The following ZNFX1 variants were observed in gnomAD, a reference collection of about 807,000 sequenced individuals.
The protein encoded by ZNFX1 is zinc finger NFX1-type containing 1, also known as NFX1-type zinc finger-containing protein 1.
A neutral mutation model predicts 179.8 loss-of-function variants in ZNFX1; 78 were observed. The observed-to-expected ratio is 0.43, with a 90% CI of 0.36 to 0.52. ZNFX1 has a LOEUF of 0.52. Ranked by LOEUF, ZNFX1 falls within the 20% of genes least tolerant of loss-of-function variation. The pLI is 0.00. For synonymous variants in ZNFX1, 848 were observed against 868.5 expected (o/e 0.98, Z 0.42); for missense variants, 1,927 against 2,386.6 (o/e 0.81, Z 4.01).
chr20:49,268,964 T>C (rs1981312373), intron 3 of ZNFX1, among the ~76,000 whole-genome samples: 1 of 152,206 alleles, frequency 6.6e-6, no homozygotes, highest in African/African-American at 2.4e-5. Context: ...TCAAACAGCT[T>C]AAAACAGAAA....
At chr20:49,254,326 G>A (rs7261580) in intron 10 of ZNFX1, among the ~76,000 whole-genome samples, 169 bp downstream of exon 10, 2,335 of 152,230 alleles carry the variant, frequency 0.015, 61 homozygotes, top group South Asian at 0.071. Context: ...TGCGCCTGGC[G>A]AAAGTGAGTG....
At position 49,249,148 on chromosome 20, in the gene ZNFX1, G is replaced by A. The variant is rs750318739; in HGVS notation, c.3876C>T (p.Cys1292=). 10 of 1,614,092 alleles carry A rather than the reference G, an allele frequency of 6.2e-6. No individual in the cohort carries two copies. Among genetic ancestry groups the A allele is most frequent in the Admixed American group, 1.7e-5 (1 of 60,006 alleles). The change falls in exon 14 of 14, where the codon TGC becomes TGT. Residue 1292 remains cysteine, a synonymous_variant. Coordinates refer to ENST00000396105, the MANE Select transcript of ZNFX1 (RefSeq NM_021035.3). ...CATGCCCACAGCCCAGGCGGAACTC[G>A]CAGGGCAGGCTGCAGCCTCCTTCGG... ...KVPEGGCSLP[C]EFRLGCGHVC...
At chr20:49,254,739 AACCTT>A in intron 9 of ZNFX1, 90 bp from the exon 10 acceptor site, 1 of 1,309,906 alleles carries the variant, frequency 7.6e-7, no homozygotes, top group South Asian at 1.3e-5. Flanking sequence ...GTATGAAGTG[AACCTT>A]GGACCCTTGG....
In ZNFX1 at chr20:49,264,666, T is replaced by C. The variant is rs755305238; in HGVS notation, c.2151+50A>G. The C allele has an allele frequency of 4.4e-6, 7 of 1,597,948 alleles. No homozygotes were observed. In the Admixed American group the frequency reaches 8.4e-5, roughly 19 times the overall value. On this transcript the variant is annotated intron_variant, in intron 5 of 13. Coordinates refer to ENST00000396105, the MANE Select transcript of ZNFX1 (RefSeq NM_021035.3). ...CCTACCCAGAAAGCCACTGCTATCT[T>C]GTTTAGGTCCCTCTTGAACTACCCC...
chr20:49,263,121 C>T (rs1278262071), intron 6 of ZNFX1, among the ~76,000 whole-genome samples: 1 of 152,150 alleles, frequency 6.6e-6, no homozygotes, highest in Non-Finnish European at 1.5e-5. Flanking sequence ...GTAACTTGTC[C>T]AGAGCCAAGC....
chr20:49,260,788 G>GA (rs1265098231), intron 6 of ZNFX1, among the ~76,000 whole-genome samples: 102 of 148,244 alleles, frequency 6.9e-4, no homozygotes, highest in Non-Finnish European at 1.2e-3. Flanking sequence ...TAAAAAGAGA[G>GA]AAAAAAAAAA....
chr20:49,266,675 C>T (rs1039375152), intron 3 of ZNFX1, among the ~76,000 whole-genome samples: 1 of 145,006 alleles, frequency 6.9e-6, no homozygotes, highest in African/African-American at 2.5e-5. Flanking sequence ...CCCACCCCCC[C>T]CTTTCCTTTT....
intron 4 of ZNFX1, 52 bp from the exon 5 acceptor site, chr20:49,264,916 C>T (rs552829282): frequency 1.2e-6 from 2 of 1,612,770 alleles, no homozygotes; most frequent in Non-Finnish European, 1.7e-6. Flanking sequence ...ATGCTAGGTT[C>T]TCTCAGGTGA....
chr20:49,273,436 C>T (rs1464855691), intron 2 of ZNFX1, among the ~76,000 whole-genome samples: 1 of 152,012 alleles, frequency 6.6e-6, no homozygotes, highest in Non-Finnish European at 1.5e-5. Flanking sequence ...CCAGCCGAGA[C>T]TTTAATGTGA....
intron 12 of ZNFX1, 130 bp downstream of exon 12, chr20:49,252,590 T>C (rs1980867252): frequency 1.6e-6 from 1 of 621,790 alleles, no homozygotes; most frequent in South Asian, 2.2e-5. Context: ...AAACAGAAAA[T>C]GTAAGGTTGA....
At chr20:49,252,927 T>A in intron 11 of ZNFX1, 97 bp from the exon 12 acceptor site, 1 of 901,002 alleles carries the variant, frequency 1.1e-6, no homozygotes, top group South Asian at 1.4e-5. Flanking sequence ...GTTTTTCAAG[T>A]GTTGACTATG....
intron 13 of ZNFX1, 138 bp from the exon 14 acceptor site, chr20:49,249,849 A>G (rs199813588): frequency 1.7e-5 from 14 of 843,568 alleles, no homozygotes; most frequent in Non-Finnish European, 2.6e-5. Flanking sequence ...CAACATCACT[A>G]TCTTTAGTTC....
Position 49,252,757 on chromosome 20 carries a change from A to G in ZNFX1, c.3179T>C (p.Val1060Ala), listed in dbSNP as rs141182646. 6.2e-7 allele frequency: 1 copy of G among 1,614,048 alleles called. No homozygotes were observed. Among genetic ancestry groups the G allele is most frequent in the African/African-American group, 1.3e-5 (1 of 74,916 alleles). The change falls in exon 12 of 14, where the codon GTG becomes GCG. Residue 1060 changes from valine (V) to alanine (A), a missense_variant. Val to Ala is a moderately conservative substitution (Grantham distance 64). Coordinates refer to ENST00000396105, the MANE Select transcript of ZNFX1 (RefSeq NM_021035.3). ...ACGGACAAAGGGAATGTTTACTTTCACTAGCCGTTCAAAAAGGGACACCTC... is the reference window on the plus strand; with the variant it reads ...ACGGACAAAGGGAATGTTTACTTTCGCTAGCCGTTCAAAAAGGGACACCTC... The part of the protein sequence containing the change: ...NLEVSLFERL[V>A]KVNIPFVRLN...
Position 49,271,147 on chromosome 20 carries a change from G to C in ZNFX1, c.665C>G (p.Pro222Arg), listed in dbSNP as rs1187150464. 1 of 1,614,126 alleles carries C rather than the reference G, an allele frequency of 6.2e-7. No homozygotes were observed. Among genetic ancestry groups the C allele is most frequent in the Non-Finnish European group, 8.5e-7 (1 of 1,180,016 alleles). The change falls in exon 3 of 14, where the codon CCT (proline) becomes CGT (arginine). Residue 222 changes from proline to arginine, a missense_variant. Pro to Arg is a moderately radical substitution (Grantham distance 103). Coordinates refer to ENST00000396105, the MANE Select transcript of ZNFX1 (RefSeq NM_021035.3). Reference sequence around the variant, plus strand: ...AGTGATCATCCCTACCACATAAGCAGGCAGGCAGACTTTGAGAAATTTGGA... The same window carrying C: ...AGTGATCATCCCTACCACATAAGCACGCAGGCAGACTTTGAGAAATTTGGA... ...KNSKFLKVCL[P>R]AYVVGMITEP...
chr20:49,270,086 C>T lies in ZNFX1; in HGVS notation c.1726G>A (p.Gly576Ser), dbSNP rs1487858012. Residue 576 changes from glycine to serine, a missense_variant, in exon 3 of 14, where the codon GGT (glycine) becomes AGT (serine). Transcript: ENST00000396105. This position sits in a 1 kb window ranked among gnomAD's most constrained non-coding sequence, Gnocchi z 4.6. ...ACATTAATTCTGGGATGTCTCAAACCCTCGACATTTCTTAGAAATTCCCCA... is the reference window on the plus strand; with the variant it reads ...ACATTAATTCTGGGATGTCTCAAACTCTCGACATTTCTTAGAAATTCCCCA... Reference protein sequence around the residue: ...ATGEFLRNVEGLRHPRINVLD... With the variant: ...ATGEFLRNVESLRHPRINVLD... 3.1e-6 allele frequency: 5 copies of T among 1,614,106 alleles called. No individual in the cohort carries two copies. The African/African-American group carries it at 6.7e-5, about 22-fold the overall frequency.
At chr20:49,255,761 A>G in intron 9 of ZNFX1, 47 bp downstream of exon 9, 1 of 1,558,964 alleles carries the variant, frequency 6.4e-7, no homozygotes, top group East Asian at 2.3e-5. Context: ...TTCTAGGAAC[A>G]GAAGAGGAAC....
chr20:49,260,431 G>T (rs767517461), intron 7 of ZNFX1, 32 bp downstream of exon 7: 2 of 1,475,362 alleles, frequency 1.4e-6, no homozygotes, highest in Admixed American at 3.5e-5. Flanking sequence ...TCTACGTTAA[G>T]ATTTGATTCT....
intron 9 of ZNFX1, among the ~76,000 whole-genome samples, chr20:49,255,042 CT>C (rs529416151): frequency 2.6e-3 from 350 of 137,116 alleles, no homozygotes; most frequent in African/African-American, 5.6e-3. Context: ...CTTTCTACTA[CT>C]TTTTTTTTTT....
intron 2 of ZNFX1, among the ~76,000 whole-genome samples, chr20:49,272,334 G>T (rs943317433): frequency 9.2e-5 from 14 of 151,986 alleles, no homozygotes; most frequent in Non-Finnish European, 1.9e-4. Context: ...CTGCCACCGC[G>T]CCTGGCTAAT....
Sources: allele counts gnomAD v4.1 joint callset (sites outside exome capture counted in the v4.1 genomes callset), GRCh38; gene constraint gnomAD v4.1.1; non-coding constraint Gnocchi (gnomAD v3.1); transcripts MANE v1.5; gene names NCBI Gene and HGNC (gene_info 2026-07-23, HGNC 2026-07-21).